The following CUX1 variants were observed in gnomAD, a reference collection of about 807,000 sequenced individuals.
CUX1 encodes the protein cut like homeobox 1.
In CUX1, 31 loss-of-function variants were observed where a neutral mutation model predicts 158.8. The ratio of observed to expected loss-of-function variants is 0.20; its 90% CI spans 0.15 to 0.26. CUX1 has a LOEUF of 0.26. CUX1 is among the 10% of genes least tolerant of loss of function. The probability of loss-of-function intolerance (pLI) is 1.00; values close to 1 mark genes in which losing one functional copy is unlikely to be tolerated. For missense variants in CUX1, 1,589 were observed against 2,014.6 expected (o/e 0.79, Z 4.04); for synonymous variants, 879 against 862.1 (o/e 1.02, Z -0.34).
At chr7:101,913,721 A>G (rs1333499459) in intron 1 of CUX1, among the ~76,000 whole-genome samples, 1 of 151,794 alleles carries the variant, frequency 6.6e-6, no homozygotes, top group Non-Finnish European at 1.5e-5. Flanking sequence ...CAGCACCCCC[A>G]CCCTGCTAGG....
chr7:101,901,560 G>A (rs1030367907), intron 1 of CUX1, among the ~76,000 whole-genome samples: 2 of 152,268 alleles, frequency 1.3e-5, no homozygotes, highest in African/African-American at 2.4e-5. Flanking sequence ...CTCCCAAAGT[G>A]CGGGGGTTAC....
At chr7:102,222,695 A>T (rs782655871) in intron 20 of CUX1, among the ~76,000 whole-genome samples, 19 of 149,492 alleles carry the variant, frequency 1.3e-4, no homozygotes, top group Non-Finnish European at 2.1e-4. Context: ...AGGCACAGTC[A>T]CTCTGTCACT....
intron 1 of CUX1, among the ~76,000 whole-genome samples, chr7:101,885,897 AGCT>A (rs1342258564): frequency 1.3e-5 from 2 of 152,302 alleles, no homozygotes; most frequent in Non-Finnish European, 2.9e-5. Context: ...TCTCCCCACA[AGCT>A]CACAGGGCGG....
chr7:101,854,570 A>G (rs925277375), intron 1 of CUX1, among the ~76,000 whole-genome samples: 4 of 152,112 alleles, frequency 2.6e-5, no homozygotes, highest in African/African-American at 9.7e-5. Flanking sequence ...CCTCTTGGCC[A>G]CTGCTCAGCC....
rs375104742 is a variant in CUX1 at position 102,091,200 on chromosome 7, A to G, written c.269-6164A>G. Among the ~76,000 whole-genome samples the G allele has an allele frequency of 2.2e-4, 34 of 152,368 alleles. 1 individual carries two copies. In the East Asian group the frequency reaches 5.8e-3, roughly 26 times the overall value. On this transcript the variant is annotated intron_variant, in intron 4 of 23. Coordinates refer to ENST00000292535, the MANE Select transcript of CUX1 (RefSeq NM_181552.4). ...GCATTAAAGCACCACATTTATTGCAACAACTTAGAGTATGTGTTTATTTTT... is the reference window on the plus strand; with the variant it reads ...GCATTAAAGCACCACATTTATTGCAGCAACTTAGAGTATGTGTTTATTTTT...
At chr7:102,231,746 C>T (rs1184780595) in intron 21 of CUX1, among the ~76,000 whole-genome samples, 3 of 147,124 alleles carry the variant, frequency 2.0e-5, no homozygotes, top group Non-Finnish European at 4.5e-5. Context: ...TGGAGTCTCG[C>T]TCTGTCACCC....
At chr7:102,143,699 C>G (rs1223802768) in intron 8 of CUX1, among the ~76,000 whole-genome samples, 1 of 152,146 alleles carries the variant, frequency 6.6e-6, no homozygotes, top group Non-Finnish European at 1.5e-5. Context: ...AACGGGATTC[C>G]GGGAAGGTAA....
rs890295976 is a variant in CUX1, at chr7:102,070,286, T to G, written c.190-53T>G. 1.4e-5 allele frequency: 20 copies of G among 1,472,622 alleles called. No homozygotes were observed. In the Admixed American group the frequency reaches 2.7e-4, roughly 20 times the overall value. 91.2% of individuals were successfully genotyped at this position (1,472,622 alleles called of 1,614,324 possible). On this transcript the variant is annotated intron_variant, in intron 3 of 23. Transcript: ENST00000292535. ...TGTGTAATGCTTTGTAAATTACCTC[T>G]TGACAAATGTTGAGCTCTTTGTTTT...
chr7:101,816,111 T>G, upstream of CUX1: 1 of 1,324,570 alleles, frequency 7.5e-7, no homozygotes, highest in East Asian at 4.9e-5. Flanking sequence ...TCCTCCGCGC[T>G]CGGCCTCGCG....
intron 21 of CUX1, among the ~76,000 whole-genome samples, chr7:102,233,360 T>A (rs1352982606): frequency 2.6e-5 from 4 of 151,984 alleles, no homozygotes; most frequent in African/African-American, 7.2e-5. Context: ...TAATTTTTTG[T>A]GTGTGTATTT....
In CUX1 at chr7:102,187,798, C is replaced by T. The variant is rs797033119; in HGVS notation, c.1018-2015C>T. On this transcript the variant is annotated intron_variant, in intron 11 of 23. Transcript: ENST00000292535. ...TGCTGGGATTACAGGCGTCAGCCAC[C>T]GCGCCCAGCCCTGAATTTTTAAAAC... Among the ~76,000 whole-genome samples, 7 of 152,150 alleles carry T rather than the reference C, an allele frequency of 4.6e-5. No individual in the cohort carries two copies. The South Asian group carries it at 1.0e-3, about 23-fold the overall frequency.
intron 1 of CUX1, among the ~76,000 whole-genome samples, chr7:101,824,229 C>G (rs980712972): frequency 2.0e-5 from 3 of 152,180 alleles, no homozygotes; most frequent in African/African-American, 7.2e-5. Context: ...GCTGTGATTA[C>G]AGGTGTGCAC....
intron 3 of CUX1, among the ~76,000 whole-genome samples, chr7:102,036,129 G>A (rs1163563447): frequency 6.6e-6 from 1 of 151,966 alleles, no homozygotes; most frequent in Non-Finnish European, 1.5e-5. Flanking sequence ...ACCACACCCA[G>A]CTAATTTTTG....
chr7:101,878,075 CT>C (rs1217249740), intron 1 of CUX1, among the ~76,000 whole-genome samples: 2 of 152,180 alleles, frequency 1.3e-5, no homozygotes, highest in African/African-American at 4.8e-5. Context: ...CCAGCACTGG[CT>C]GCAGAGAGCC....
rs201526507 is a variant in CUX1, at chr7:102,201,629, C to T, written c.2332C>T (p.Leu778=). The T allele has an allele frequency of 6.8e-5, 109 of 1,613,814 alleles. No homozygotes were observed. Among genetic ancestry groups the T allele is most frequent in the South Asian group, 3.3e-5 (3 of 91,082 alleles). ...AGCTCCTGAGGCCGGTGCCTCTGCT[C>T]TGCCGAACCCCCCGGCCCTCAAAAA... is the stretch of plus-strand genomic sequence containing the variant. ...SAAPEAGASA[L]PNPPALKKEA... The change falls in exon 18 of 24, where the codon CTG becomes TTG. Residue 778 remains leucine (L), a synonymous_variant. Coordinates refer to ENST00000292535, the MANE Select transcript of CUX1 (RefSeq NM_181552.4). The surrounding 1 kb of genome is among the most constrained non-coding windows in gnomAD (Gnocchi z 5.0).
At chr7:102,150,913 T>C (rs79195261) in intron 8 of CUX1, among the ~76,000 whole-genome samples, 2,323 of 152,322 alleles carry the variant, frequency 0.015, 32 homozygotes, top group Middle Eastern at 0.037. Context: ...CATAAAAACG[T>C]GAGAGATCTA....
chr7:101,909,121 AG>A (rs1177892216), intron 1 of CUX1, among the ~76,000 whole-genome samples: 7 of 151,098 alleles, frequency 4.6e-5, no homozygotes, highest in African/African-American at 1.7e-4. Context: ...CTGAGGCGGG[AG>A]GATCGCTTGA....
chr7:102,061,346 CCCCCAG>C (rs1824851920), intron 3 of CUX1, among the ~76,000 whole-genome samples: 2 of 152,146 alleles, frequency 1.3e-5, no homozygotes, highest in African/African-American at 4.8e-5. Flanking sequence ...GACCATGTGG[CCCCCAG>C]CCCCAGTGCG....
At chr7:102,207,699 A>G (rs1168255346) in intron 20 of CUX1, among the ~76,000 whole-genome samples, 3 of 151,570 alleles carry the variant, frequency 2.0e-5, no homozygotes, top group African/African-American at 7.3e-5. Flanking sequence ...TGATCCCCCC[A>G]CCTTGGCCTC....
Sources: allele counts gnomAD v4.1 joint callset (sites outside exome capture counted in the v4.1 genomes callset), GRCh38; gene constraint gnomAD v4.1.1; non-coding constraint Gnocchi (gnomAD v3.1); transcripts MANE v1.5; gene names NCBI Gene and HGNC (gene_info 2026-07-23, HGNC 2026-07-21).